HPS4: variants seen among roughly 807,000 people sequenced by gnomAD.
HPS4 encodes the protein BLOC-3 complex member HPS4.
In HPS4, 44 loss-of-function variants were observed where a neutral mutation model predicts 70.3. That is an observed-to-expected ratio of 0.63 (90% CI 0.49 to 0.80). The LOEUF (loss-of-function observed/expected upper bound fraction) is 0.80, where lower values mean the gene tolerates loss of function less well. Among genes scored for constraint, HPS4 ranks in the 30% least tolerant of loss-of-function variants. The probability of loss-of-function intolerance (pLI) is 0.00; values close to 1 mark genes in which losing one functional copy is unlikely to be tolerated. For synonymous variants in HPS4, 377 were observed against 355.9 expected, an observed-to-expected ratio of 1.06 and a Z score of -0.67; for missense variants, 873 against 884.4, an observed-to-expected ratio of 0.99 and a Z score of 0.16.
At chr22:26,465,370 T>C in intron 10 of HPS4, 85 bp downstream of exon 10, 1 of 885,436 alleles carries the variant, frequency 1.1e-6, no homozygotes. Flanking sequence ...AACGATGGGA[T>C]GTATCAGAGG....
downstream of HPS4, among the ~76,000 whole-genome samples, chr22:26,445,907 CAG>C (rs564551374): frequency 2.9e-4 from 44 of 152,208 alleles, no homozygotes; most frequent in South Asian, 6.2e-3. Context: ...GAGAGGGAGA[CAG>C]GGGGGTCTCC....
In HPS4 at chr22:26,477,046, C is replaced by A; in HGVS notation, c.223G>T (p.Val75Phe). ...SDISDSPPTL[V>F]RLRKLKFAIK... ...GCAAACTTCAGTTTTCTCAGACGAA[C>A]AAGAGTAGGAGGAGAGTCAGAAATG... The change falls in exon 4 of 14, where the codon GTT (valine) becomes TTT (phenylalanine). Residue 75 changes from valine to phenylalanine, a missense_variant. By Grantham distance (50) the Val-to-Phe change is conservative (BLOSUM62 -1). Transcript: ENST00000398145. 1 of 1,614,146 alleles carries A rather than the reference C, an allele frequency of 6.2e-7. No individual in the cohort carries two copies. Among genetic ancestry groups the A allele is most frequent in the Non-Finnish European group, 8.5e-7 (1 of 1,179,994 alleles).
chr22:26,470,639 CACTG>C lies in HPS4; in HGVS notation c.596+76_596+79del. On this transcript the variant is annotated intron_variant, in intron 7 of 13. Coordinates refer to ENST00000398145, the MANE Select transcript of HPS4 (RefSeq NM_022081.6). Reference sequence around the variant, plus strand: ...GGAACTGGCCAGAGACTGGGCTCCCCACTGTGATCTGGAGGTGGCTGATGGTCAG... The same window carrying C: ...GGAACTGGCCAGAGACTGGGCTCCCCTGATCTGGAGGTGGCTGATGGTCAG... 9 of 1,390,246 alleles carry C rather than the reference CACTG, an allele frequency of 6.5e-6. No individual in the cohort carries two copies. In the South Asian group the frequency reaches 9.4e-5, roughly 15 times the overall value. The allele number at this position is 1,390,246 out of a possible 1,614,324, so 86.1% of individuals were successfully genotyped here.
chr22:26,464,171 C>G lies in HPS4; in HGVS notation c.1459G>C (p.Glu487Gln). The stretch of plus-strand genomic sequence containing the variant: ...TCAACATCCTCATCCAGGCCTTGTT[C>G]CCCCGTGGGAAGCTTGTTTCCTCTC... ...GQRGNKLPTG[E>Q]QGLDEDVDGV... The change falls in exon 11 of 14, where the codon GAA becomes CAA. Residue 487 changes from glutamate to glutamine, a missense_variant. Transcript: ENST00000398145. 1.2e-6 allele frequency: 2 copies of G among 1,614,246 alleles called. No homozygotes were observed. Among genetic ancestry groups the G allele is most frequent in the East Asian group, 4.5e-5 (2 of 44,880 alleles).
At chr22:26,458,772 G>A (rs998401862) in intron 11 of HPS4, among the ~76,000 whole-genome samples, 195 bp from the exon 12 acceptor site, 1 of 149,890 alleles carries the variant, frequency 6.7e-6, no homozygotes, top group Non-Finnish European at 1.5e-5. Flanking sequence ...AGTGAGCCGA[G>A]ACCGCACCAC....
rs147122795 is a variant in HPS4, at chr22:26,459,717, C to A, written c.1714-1140G>T. Among the ~76,000 whole-genome samples the A allele has an allele frequency of 2.0e-5, 3 of 152,306 alleles. No individual in the cohort carries two copies. In the East Asian group the frequency reaches 5.8e-4, roughly 29 times the overall value. ...GAGCAAGTTACCAAGTTTTCTGTGC[C>A]TCATTTTTCTAGTCAACTGCAAAAT... On this transcript the variant is annotated intron_variant, in intron 11 of 13. Coordinates refer to ENST00000398145, the MANE Select transcript of HPS4 (RefSeq NM_022081.6).
At position 26,472,326 on chromosome 22, in the gene HPS4, G is replaced by A. The variant is rs1160614556; in HGVS notation, c.477C>T (p.Ser159=). The part of the protein sequence containing the change: ...NTSDLHKIFN[S]LWNLDQTKVE... ...CTTTAGTTTGGTCCAAGTTCCAGAGGGAATTGAAAATCTTATGCAGATCAC... is the reference window on the plus strand; with the variant it reads ...CTTTAGTTTGGTCCAAGTTCCAGAGAGAATTGAAAATCTTATGCAGATCAC... Residue 159 remains serine, a synonymous_variant, in exon 6 of 14, where the codon TCC becomes TCT. Coordinates refer to ENST00000398145, the MANE Select transcript of HPS4 (RefSeq NM_022081.6). The A allele has an allele frequency of 6.2e-7, 1 of 1,610,770 alleles. No homozygotes were observed. The highest frequency in any genetic ancestry group is 1.7e-5 in the Admixed American group (1 of 60,014).
At chr22:26,454,420 G>C (rs1210117219) in intron 13 of HPS4, among the ~76,000 whole-genome samples, 1 of 152,180 alleles carries the variant, frequency 6.6e-6, no homozygotes, top group African/African-American at 2.4e-5. Context: ...AGTGTTTGTT[G>C]CAACAGTATG....
At chr22:26,483,502 C>CT (rs1008138162) in intron 1 of HPS4, among the ~76,000 whole-genome samples, 172 bp downstream of exon 1, 1 of 152,214 alleles carries the variant, frequency 6.6e-6, no homozygotes, top group Non-Finnish European at 1.5e-5. Context: ...GCGCAGCCCC[C>CT]GGGGCGCAGG....
chr22:26,471,223 A>C, intron 6 of HPS4: 1 of 396,082 alleles, frequency 2.5e-6, no homozygotes, highest in Non-Finnish European at 5.0e-6. Context: ...CCTATCCTCC[A>C]CTTTCCTTCT....
intron 9 of HPS4, 160 bp downstream of exon 9, chr22:26,466,066 G>A (rs1438381646): frequency 1.3e-6 from 2 of 1,557,826 alleles, no homozygotes; most frequent in East Asian, 4.8e-5. Flanking sequence ...GGGTTCTGGT[G>A]GGTAACTCGA....
chr22:26,466,205 A>G, intron 9 of HPS4, 21 bp downstream of exon 9: 1 of 1,614,140 alleles, frequency 6.2e-7, no homozygotes, highest in East Asian at 2.2e-5. Flanking sequence ...TCAAGAGGCA[A>G]CCATGCGCCT....
chr22:26,450,315 G>A (rs543674804), downstream of HPS4, among the ~76,000 whole-genome samples: 10 of 152,310 alleles, frequency 6.6e-5, no homozygotes, highest in South Asian at 1.5e-3. Flanking sequence ...CACCCACCCC[G>A]AGCAGGGCGG....
At chr22:26,461,794 A>C (rs149920560) in intron 11 of HPS4, among the ~76,000 whole-genome samples, 110 of 152,204 alleles carry the variant, frequency 7.2e-4, no homozygotes, top group African/African-American at 2.6e-3. Flanking sequence ...CCACTCTCAA[A>C]CCAGTGGGCT....
At chr22:26,465,613 T>G (rs1035010140) in intron 9 of HPS4, 62 bp from the exon 10 acceptor site, 12 of 1,342,256 alleles carry the variant, frequency 8.9e-6, no homozygotes, top group Non-Finnish European at 1.2e-5. Flanking sequence ...AGCGGGGCAA[T>G]AGCTGCACTG....
chr22:26,468,296 G>A lies in HPS4; in HGVS notation c.669+255C>T, dbSNP rs2089096903. 5.6e-6 allele frequency: 3 copies of A among 537,756 alleles called. No homozygotes were observed. In the South Asian group the frequency reaches 6.2e-5, roughly 11 times the overall value. The allele number at this position is 537,756 out of a possible 1,614,324, so 33.3% of individuals were successfully genotyped here. A position where few individuals can be genotyped will look rare whatever the true frequency, so the allele number is the denominator to read the frequency against. ...AAGAGACATCAAATTCTTATGGGAAGTCGAATTCAACCAAGATTTCCTTGG... is the reference window on the plus strand; with the variant it reads ...AAGAGACATCAAATTCTTATGGGAAATCGAATTCAACCAAGATTTCCTTGG... On this transcript the variant is annotated intron_variant, in intron 8 of 13. Coordinates refer to ENST00000398145, the MANE Select transcript of HPS4 (RefSeq NM_022081.6).
downstream of HPS4, chr22:26,443,246 C>T (rs888565479): frequency 1.0e-5 from 16 of 1,562,832 alleles, no homozygotes; most frequent in East Asian, 2.2e-5. Context: ...AGGGCCGAGG[C>T]GGGGCCTGGG....
chr22:26,464,861 T>G (rs764492207), intron 10 of HPS4, 35 bp from the exon 11 acceptor site: 57 of 1,557,568 alleles, frequency 3.7e-5, no homozygotes, highest in Non-Finnish European at 4.8e-5. Context: ...AAGGGGCACG[T>G]TGACAGACTG....
At position 26,453,343 on chromosome 22, in the gene HPS4, G is replaced by C. The variant is rs1416397054; in HGVS notation, c.2017C>G (p.Leu673Val). The stretch of plus-strand genomic sequence containing the variant: ...CCGGAGCTCCGTGCTGCAGGTGCCA[G>C]CTGCTGGAAATATGTCTCCTGGATG... Reference protein sequence around the residue: ...NPIQETYFQQLAPAARSSGFP... With the variant: ...NPIQETYFQQVAPAARSSGFP... Residue 673 changes from leucine to valine, a missense_variant, in exon 14 of 14, where the codon CTG becomes GTG. By Grantham distance (32) the Leu-to-Val change is conservative. Transcript: ENST00000398145. 2 of 1,614,104 alleles carry C rather than the reference G, an allele frequency of 1.2e-6. No homozygotes were observed. The highest frequency in any genetic ancestry group is 1.3e-5 in the African/African-American group (1 of 74,936).
Sources: gnomAD v4.1 joint callset for allele counts (sites outside exome capture counted in the v4.1 genomes callset) on GRCh38, gnomAD v4.1.1 for gene constraint, MANE v1.5 for transcripts, NCBI Gene and HGNC (gene_info 2026-07-23, HGNC 2026-07-21) for gene names.